Variants in QTMAN observed in about 807,000 individuals in gnomAD.
QTMAN encodes queuosine-tRNA mannosyltransferase.
the QTMAN span, among the ~76,000 whole-genome samples, chr2:144,267,471 A>G: frequency 6.6e-6 from 1 of 152,234 alleles, no homozygotes. Flanking sequence ...TGTGGTCACC[A>G]GTGACCTTCA....
chr2:144,282,013 A>G, the QTMAN span, among the ~76,000 whole-genome samples: 2 of 152,178 alleles, frequency 1.3e-5, no homozygotes, highest in South Asian at 4.1e-4. Flanking sequence ...GTTAAAACAC[A>G]GATTGCTGGT....
At chr2:144,017,715 T>C in the QTMAN span, among the ~76,000 whole-genome samples, 26 of 152,338 alleles carry the variant, frequency 1.7e-4, no homozygotes, top group Middle Eastern at 3.4e-3. Context: ...AACTCAGTTA[T>C]TACTGGCCAT....
At chr2:144,292,948 G>GTA in the QTMAN span, among the ~76,000 whole-genome samples, 1 of 152,090 alleles carries the variant, frequency 6.6e-6, no homozygotes. Context: ...TCATATACAT[G>GTA]TTCAAAATGT....
chr2:144,066,205 C>T, the QTMAN span, among the ~76,000 whole-genome samples: 2 of 151,018 alleles, frequency 1.3e-5, no homozygotes, highest in Non-Finnish European at 2.9e-5. Context: ...GATCTTTGAA[C>T]CAATAAAGCT....
At chr2:144,065,836 G>C in the QTMAN span, among the ~76,000 whole-genome samples, 1 of 151,404 alleles carries the variant, frequency 6.6e-6, no homozygotes, top group Non-Finnish European at 1.5e-5. Flanking sequence ...TTCAAGAGTG[G>C]TATAAAATAA....
At chr2:143,999,573 CAG>C in the QTMAN span, among the ~76,000 whole-genome samples, 1 of 151,934 alleles carries the variant, frequency 6.6e-6, no homozygotes. Flanking sequence ...AGCAAAGAAA[CAG>C]ATGATCTACC....
the QTMAN span, among the ~76,000 whole-genome samples, chr2:144,194,752 G>A: frequency 7.9e-5 from 12 of 152,236 alleles, no homozygotes; most frequent in East Asian, 2.1e-3. Flanking sequence ...AAACAGAAAT[G>A]TAGATAAATG....
the QTMAN span, among the ~76,000 whole-genome samples, chr2:144,058,007 A>C: frequency 6.6e-6 from 1 of 152,058 alleles, no homozygotes; most frequent in East Asian, 1.9e-4. Flanking sequence ...AACATAAACA[A>C]CATAGATTGG....
the QTMAN span, among the ~76,000 whole-genome samples, chr2:144,162,829 G>A: frequency 6.6e-6 from 1 of 152,164 alleles, no homozygotes; most frequent in African/African-American, 2.4e-5. Flanking sequence ...TCTATCAGCT[G>A]ACTCAGGTAA....
the QTMAN span, among the ~76,000 whole-genome samples, chr2:144,114,682 C>T: frequency 7.3e-6 from 1 of 136,888 alleles, no homozygotes; most frequent in East Asian, 2.4e-4. Context: ...GTAGTGCCCA[C>T]ACTACAAAAC....
the QTMAN span, among the ~76,000 whole-genome samples, chr2:144,227,749 T>C: frequency 6.6e-6 from 1 of 152,146 alleles, no homozygotes; most frequent in Non-Finnish European, 1.5e-5. Flanking sequence ...CAACTAACTG[T>C]ACATAGGAAT....
At chr2:144,231,587 A>C in the QTMAN span, among the ~76,000 whole-genome samples, 1 of 151,982 alleles carries the variant, frequency 6.6e-6, no homozygotes, top group Admixed American at 6.6e-5. Context: ...AAAATGAAAA[A>C]CTCAACCGTA....
chr2:144,102,677 A>G, the QTMAN span, among the ~76,000 whole-genome samples: 1 of 152,074 alleles, frequency 6.6e-6, no homozygotes, highest in Admixed American at 6.5e-5. Context: ...TTAAGAATAC[A>G]CTCTGAAATG....
the QTMAN span, among the ~76,000 whole-genome samples, chr2:143,969,053 T>C: frequency 4.0e-5 from 6 of 151,432 alleles, no homozygotes; most frequent in Admixed American, 3.3e-4. Context: ...ACCTGTGTAA[T>C]GCACATACCA....
At chr2:144,064,731 T>C in the QTMAN span, among the ~76,000 whole-genome samples, 2 of 152,242 alleles carry the variant, frequency 1.3e-5, no homozygotes, top group Non-Finnish European at 2.9e-5. Context: ...TCATATCATT[T>C]GAAATTTGTC....
the QTMAN span, among the ~76,000 whole-genome samples, chr2:144,314,745 G>A: frequency 3.3e-5 from 5 of 151,994 alleles, no homozygotes; most frequent in Non-Finnish European, 4.4e-5. Flanking sequence ...AGTGCGTAAC[G>A]GAACTTTTAG....
At chr2:144,298,102 T>C in the QTMAN span, among the ~76,000 whole-genome samples, 17 of 151,620 alleles carry the variant, frequency 1.1e-4, no homozygotes, top group African/African-American at 3.4e-4. Context: ...CACTTCAAGC[T>C]GCGCCTCCCA....
the QTMAN span, among the ~76,000 whole-genome samples, chr2:144,089,680 C>G: frequency 6.6e-6 from 1 of 151,836 alleles, no homozygotes; most frequent in African/African-American, 2.4e-5. Context: ...CACAAAAAGA[C>G]AAATATTGCA....
the QTMAN span, among the ~76,000 whole-genome samples, chr2:144,172,935 G>C: frequency 2.6e-5 from 4 of 152,106 alleles, no homozygotes; most frequent in East Asian, 5.8e-4. Flanking sequence ...GAAGCTTCTT[G>C]CTTCTTTTCA....
Sources: gnomAD v4.1 joint callset for allele counts (sites outside exome capture counted in the v4.1 genomes callset) on GRCh38, gnomAD v4.1.1 for gene constraint, MANE v1.5 for transcripts, NCBI Gene and HGNC (gene_info 2026-07-23, HGNC 2026-07-21) for gene names.